The following CNTNAP4 variants were observed in gnomAD, a reference collection of about 807,000 sequenced individuals.
The protein encoded by CNTNAP4 is contactin associated protein family member 4.
Under a neutral mutation model 148.4 loss-of-function variants are expected in CNTNAP4, and 98 were observed. The observed-to-expected ratio is 0.66, with a 90% CI of 0.56 to 0.78. CNTNAP4 has a LOEUF of 0.78. CNTNAP4 is among the 30% of genes least tolerant of loss of function. The probability of loss-of-function intolerance (pLI) is 0.00; values close to 1 mark genes in which losing one functional copy is unlikely to be tolerated. For synonymous variants in CNTNAP4, 730 were observed against 565.1 expected, an observed-to-expected ratio of 1.29 and a Z score of -4.14; for missense variants, 1,935 against 1,565.6, an observed-to-expected ratio of 1.24 and a Z score of -3.98.
chr16:76,402,733 G>A (rs2078461110), intron 3 of CNTNAP4, among the ~76,000 whole-genome samples: 1 of 152,118 alleles, frequency 6.6e-6, no homozygotes, highest in Non-Finnish European at 1.5e-5. Flanking sequence ...AGAGATTCTG[G>A]TAGGTCGTAT....
At chr16:76,473,425 A>T (rs2081442117) in intron 10 of CNTNAP4, among the ~76,000 whole-genome samples, 1 of 152,186 alleles carries the variant, frequency 6.6e-6, no homozygotes, top group Non-Finnish European at 1.5e-5. Context: ...GGAAAAATAC[A>T]TAATATTGTT....
chr16:76,374,754 T>G lies in CNTNAP4; in HGVS notation c.390+19243T>G, dbSNP rs567975029. Among the ~76,000 whole-genome samples the G allele has an allele frequency of 5.7e-3, 818 of 143,774 alleles. 2 individuals are homozygous for G. Among genetic ancestry groups the G allele is most frequent in the Non-Finnish European group, 8.7e-3 (579 of 66,394 alleles). The allele number at this position is 143,774 out of a possible 152,430, so 94.3% of individuals were successfully genotyped here. A position where few individuals can be genotyped will look rare whatever the true frequency, so the allele number is the denominator to read the frequency against. ...CTTGACTATGACACTATTATTATTATTATTATTATTATTATTATTATTATT... is the reference window on the plus strand; with the variant it reads ...CTTGACTATGACACTATTATTATTAGTATTATTATTATTATTATTATTATT... On this transcript the variant is annotated intron_variant, in intron 3 of 23. Coordinates refer to ENST00000611870, the MANE Select transcript of CNTNAP4 (RefSeq NM_033401.5).
chr16:76,370,517 C>A lies in CNTNAP4; in HGVS notation c.390+15006C>A, dbSNP rs537738036. Among the ~76,000 whole-genome samples the A allele has an allele frequency of 4.1e-4, 62 of 152,258 alleles. 1 individual carries two copies. In the South Asian group the frequency reaches 0.011, roughly 27 times the overall value. The stretch of plus-strand genomic sequence containing the variant: ...AAGAAATACCCTGGTTCCTCCCTTC[C>A]TTTCACTTGCAGATCTTTTTCAAGT... On this transcript the variant is annotated intron_variant, in intron 3 of 23. Transcript: ENST00000611870.
chr16:76,410,456 G>T (rs4315362), intron 3 of CNTNAP4, among the ~76,000 whole-genome samples: 118,909 of 151,536 alleles, frequency 0.78, 47,063 homozygotes, highest in Non-Finnish European at 0.84. Flanking sequence ...TTTACTGGTT[G>T]GTTTTGTAGT....
At chr16:76,428,371 T>C (rs543667778) in intron 4 of CNTNAP4, among the ~76,000 whole-genome samples, 1 of 152,084 alleles carries the variant, frequency 6.6e-6, no homozygotes, top group East Asian at 1.9e-4. Flanking sequence ...GAGCCTCACA[T>C]ATGAAATAAT....
intron 12 of CNTNAP4, among the ~76,000 whole-genome samples, chr16:76,482,001 A>AT (rs1316207529): frequency 9.9e-6 from 1 of 101,194 alleles, no homozygotes; most frequent in Non-Finnish European, 2.1e-5. Flanking sequence ...TGAGGAGTTT[A>AT]TTTTTTTATT....
intron 3 of CNTNAP4, among the ~76,000 whole-genome samples, chr16:76,421,151 TA>T (rs1156847546): frequency 6.6e-6 from 1 of 152,098 alleles, no homozygotes; most frequent in Non-Finnish European, 1.5e-5. Flanking sequence ...CTAAACAGTA[TA>T]TTTTATAACT....
chr16:76,482,864 G>A (rs899800161), intron 12 of CNTNAP4, among the ~76,000 whole-genome samples: 11 of 152,136 alleles, frequency 7.2e-5, no homozygotes, highest in Non-Finnish European at 1.5e-4. Context: ...ATTCTTATGT[G>A]TACTTAGGTT....
chr16:76,369,469 G>C (rs1270532965), intron 3 of CNTNAP4, among the ~76,000 whole-genome samples: 1 of 152,160 alleles, frequency 6.6e-6, no homozygotes, highest in Non-Finnish European at 1.5e-5. Context: ...AAAGCTGGTG[G>C]TCTAATTTAG....
chr16:76,359,536 A>G (rs2013143357), intron 3 of CNTNAP4, among the ~76,000 whole-genome samples: 1 of 151,840 alleles, frequency 6.6e-6, no homozygotes, highest in African/African-American at 2.4e-5. Context: ...AATAATCCCT[A>G]AGAGGAAAGA....
intron 17 of CNTNAP4, among the ~76,000 whole-genome samples, chr16:76,534,485 A>T (rs993678849): frequency 2.6e-5 from 4 of 152,206 alleles, no homozygotes; most frequent in African/African-American, 9.6e-5. Context: ...TCTCAATAGA[A>T]TTGCCAGGTT....
intron 17 of CNTNAP4, among the ~76,000 whole-genome samples, chr16:76,528,117 A>G (rs1460878807): frequency 2.0e-5 from 3 of 152,228 alleles, no homozygotes; most frequent in Admixed American, 6.5e-5. Context: ...AAATATATTA[A>G]TTTGAGATAC....
At chr16:76,295,912 G>T (rs1959241743) in intron 1 of CNTNAP4, among the ~76,000 whole-genome samples, 1 of 152,064 alleles carries the variant, frequency 6.6e-6, no homozygotes, top group African/African-American at 2.4e-5. Context: ...CTGCCTCCTG[G>T]GTTCCAGCGA....
chr16:76,279,440 A>T (rs1338594852), intron 1 of CNTNAP4, among the ~76,000 whole-genome samples: 1 of 152,334 alleles, frequency 6.6e-6, no homozygotes, highest in East Asian at 1.9e-4. Context: ...TTCTTTTGCC[A>T]TATATCTTCT....
At chr16:76,539,998 G>T in intron 20 of CNTNAP4, 146 bp downstream of exon 20, 1 of 596,762 alleles carries the variant, frequency 1.7e-6, no homozygotes, top group Non-Finnish European at 2.9e-6. Context: ...ATGTAGTCAG[G>T]ATTCTTTTAA....
chr16:76,453,620 ACTC>A (rs762661709), intron 8 of CNTNAP4, among the ~76,000 whole-genome samples: 6 of 152,060 alleles, frequency 3.9e-5, no homozygotes, highest in Admixed American at 6.6e-5. Context: ...CCATTGTACT[ACTC>A]CTCTATATTA....
intron 3 of CNTNAP4, among the ~76,000 whole-genome samples, chr16:76,420,915 T>A (rs994074352): frequency 6.6e-6 from 1 of 152,032 alleles, no homozygotes; most frequent in Non-Finnish European, 1.5e-5. Context: ...ATTTTTATAG[T>A]TATTGTCCAT....
intron 15 of CNTNAP4, among the ~76,000 whole-genome samples, chr16:76,510,724 C>T (rs1027735489): frequency 6.6e-6 from 1 of 152,246 alleles, no homozygotes; most frequent in South Asian, 2.1e-4. Context: ...GAAAAATTTT[C>T]TCAACAGGGC....
chr16:76,556,101 C>T (rs1177811346), intron 23 of CNTNAP4, among the ~76,000 whole-genome samples: 1 of 152,036 alleles, frequency 6.6e-6, no homozygotes, highest in Non-Finnish European at 1.5e-5. Context: ...GGCTAATCCC[C>T]CTATGTTCTA....
Sources: gnomAD v4.1 joint callset for allele counts (sites outside exome capture counted in the v4.1 genomes callset) on GRCh38, gnomAD v4.1.1 for gene constraint, MANE v1.5 for transcripts, NCBI Gene and HGNC (gene_info 2026-07-23, HGNC 2026-07-21) for gene names.